RGS10: variants seen among roughly 807,000 people sequenced by gnomAD.
RGS10 encodes regulator of G protein signaling 10, also known as regulator of G-protein signalling 10.
RGS10 carries 11 observed loss-of-function variants against 23.5 expected under a neutral mutation model. The ratio of observed to expected loss-of-function variants is 0.47; its 90% CI spans 0.29 to 0.77. The LOEUF is 0.77. Among genes scored for constraint, RGS10 ranks in the 30% least tolerant of loss-of-function variants. The probability of loss-of-function intolerance (pLI) is 0.08; values close to 1 mark genes in which losing one functional copy is unlikely to be tolerated. For synonymous variants in RGS10, 77 were observed against 83.2 expected (o/e 0.92, Z 0.41); for missense variants, 180 against 226.3 (o/e 0.80, Z 1.31).
rs750013036 is a variant in RGS10, at chr10:119,515,564, T to C, written c.344A>G (p.Asn115Ser). ...QVNVEGQSRL[N>S]EKILEEPHPL... ...GTGCGGTTCTTCCAGGATCTTCTCG[T>C]TGAGCCGAGACTGCCCCTCCACGTT... The change falls in exon 4 of 5, where the codon AAC becomes AGC. Residue 115 changes from asparagine (N) to serine (S), a missense_variant. Asn to Ser is a conservative substitution (Grantham distance 46, BLOSUM62 1). Coordinates refer to ENST00000369103, the MANE Select transcript of RGS10 (RefSeq NM_001005339.2). 1.9e-6 allele frequency: 3 copies of C among 1,614,212 alleles called. No homozygotes were observed. Among genetic ancestry groups the C allele is most frequent in the Admixed American group, 1.7e-5 (1 of 60,028 alleles).
intron 1 of RGS10, among the ~76,000 whole-genome samples, chr10:119,536,688 T>C (rs892081238): frequency 4.6e-5 from 7 of 152,256 alleles, no homozygotes; most frequent in Admixed American, 2.6e-4. Flanking sequence ...GCCAAACTGT[T>C]ATTTGTAGCC....
At chr10:119,513,815 C>T (rs1385480634) in intron 4 of RGS10, among the ~76,000 whole-genome samples, 1 of 152,194 alleles carries the variant, frequency 6.6e-6, no homozygotes, top group Non-Finnish European at 1.5e-5. Context: ...AGAGGCTGCC[C>T]AGGAGCCTGG....
At chr10:119,515,367 T>G in intron 4 of RGS10, 142 bp downstream of exon 4, 1 of 943,154 alleles carries the variant, frequency 1.1e-6, no homozygotes, top group Non-Finnish European at 1.6e-6. Flanking sequence ...TCCCCAACCA[T>G]GGCCCCTCAG....
chr10:119,527,315 T>C lies in RGS10; in HGVS notation c.159A>G (p.Lys53=), dbSNP rs898844129. Residue 53 remains lysine, a synonymous_variant, in exon 2 of 5, where the codon AAA becomes AAG. Coordinates refer to ENST00000369103, the MANE Select transcript of RGS10 (RefSeq NM_001005339.2). The surrounding 1 kb of genome is among the most constrained non-coding windows in gnomAD (Gnocchi z 4.2). ...ENLLEDPEGV[K]RFREFLKKEF... is the part of the protein sequence containing the mutation. The stretch of plus-strand genomic sequence containing the variant: ...AATGAAAAAGACAAACCCTAAATCT[T>C]TTCACGCCTTCTGGGTCTTCCAGCA... 3.0e-5 allele frequency: 48 copies of C among 1,613,018 alleles called. No individual in the cohort carries two copies. The highest frequency in any genetic ancestry group is 3.9e-5 in the Non-Finnish European group (46 of 1,179,058).
chr10:119,513,510 G>GAA (rs143891887), intron 4 of RGS10, among the ~76,000 whole-genome samples: 10 of 147,426 alleles, frequency 6.8e-5, no homozygotes, highest in Middle Eastern at 3.5e-3. Context: ...CATTAAAAAA[G>GAA]AAAAAAAAAA....
intron 4 of RGS10, among the ~76,000 whole-genome samples, chr10:119,506,792 C>T (rs1483998378): frequency 6.6e-6 from 1 of 152,208 alleles, no homozygotes; most frequent in Non-Finnish European, 1.5e-5. Flanking sequence ...CCTCCAACTC[C>T]CTGATTCAAG....
At chr10:119,512,660 G>C (rs1347567242) in intron 4 of RGS10, among the ~76,000 whole-genome samples, 3 of 151,984 alleles carry the variant, frequency 2.0e-5, no homozygotes, top group Non-Finnish European at 4.4e-5. Flanking sequence ...CAGTTCTCCT[G>C]CCTCAGCCTC....
At chr10:119,504,318 T>G (rs1843985879) in intron 4 of RGS10, among the ~76,000 whole-genome samples, 1 of 152,154 alleles carries the variant, frequency 6.6e-6, no homozygotes, top group Non-Finnish European at 1.5e-5. Context: ...GCCTCCTGAG[T>G]AGCTGTGATT....
chr10:119,502,789 A>G (rs1843967102), intron 4 of RGS10, among the ~76,000 whole-genome samples: 1 of 152,178 alleles, frequency 6.6e-6, no homozygotes, highest in Non-Finnish European at 1.5e-5. Context: ...CCACGAGTGC[A>G]GAAGTCCCTC....
intron 1 of RGS10, among the ~76,000 whole-genome samples, chr10:119,540,695 A>G (rs1356536012): frequency 2.0e-5 from 3 of 152,190 alleles, no homozygotes; most frequent in African/African-American, 7.2e-5. Context: ...AAATCCATGT[A>G]TCTCCCAGGA....
rs1005028373 is a variant in RGS10, at chr10:119,527,531, C to T, written c.50-107G>A. The T allele has an allele frequency of 2.4e-5, 19 of 803,348 alleles. No individual in the cohort carries two copies. The highest frequency in any genetic ancestry group is 2.3e-4 in the African/African-American group (14 of 59,700). The allele number at this position is 803,348 out of a possible 1,614,324, so 49.8% of individuals were successfully genotyped here. Reference sequence around the variant, plus strand: ...CGTCACCATCACGGCTGACATACACCGACTTATGCGTCAGGCTCTGTTCTA... The same window carrying T: ...CGTCACCATCACGGCTGACATACACTGACTTATGCGTCAGGCTCTGTTCTA... On this transcript the variant is annotated intron_variant, in intron 1 of 4. Transcript: ENST00000369103. This position sits in a 1 kb window ranked among gnomAD's most constrained non-coding sequence, Gnocchi z 4.2.
intron 4 of RGS10, among the ~76,000 whole-genome samples, chr10:119,501,347 C>T (rs746896961): frequency 3.3e-5 from 5 of 152,178 alleles, no homozygotes; most frequent in African/African-American, 4.8e-5. Flanking sequence ...GACTGCCAGG[C>T]GGGGTTGTCA....
At chr10:119,536,379 C>A in intron 1 of RGS10, 2 of 1,268,764 alleles carry the variant, frequency 1.6e-6, no homozygotes, top group Non-Finnish European at 2.3e-6. Context: ...GTCCTCACAG[C>A]ACACTCTTCC....
chr10:119,520,815 A>G (rs1844204240), intron 3 of RGS10, among the ~76,000 whole-genome samples: 1 of 151,880 alleles, frequency 6.6e-6, no homozygotes, highest in Admixed American at 6.6e-5. Flanking sequence ...AAAGCAAAAA[A>G]AAAAAAAAAA....
At chr10:119,539,172 G>C (rs367591662) in intron 1 of RGS10, among the ~76,000 whole-genome samples, 7 of 152,282 alleles carry the variant, frequency 4.6e-5, no homozygotes, top group South Asian at 4.1e-4. Flanking sequence ...TGGCCCCTCT[G>C]TCCCCCCAGG....
chr10:119,538,162 G>A lies in RGS10; in HGVS notation c.49+4428C>T, dbSNP rs778084275. Among the ~76,000 whole-genome samples the A allele has an allele frequency of 6.6e-6, 1 of 152,098 alleles. No individual in the cohort carries two copies. Among genetic ancestry groups the A allele is most frequent in the Non-Finnish European group, 1.5e-5 (1 of 67,996 alleles). On this transcript the variant is annotated intron_variant, in intron 1 of 4. Coordinates refer to ENST00000369103, the MANE Select transcript of RGS10 (RefSeq NM_001005339.2). The surrounding 1 kb of genome is among the most constrained non-coding windows in gnomAD (Gnocchi z 4.5). Reference sequence around the variant, plus strand: ...GGAGGGAAGAAGGAAGGGAGGGAGGGAGTGGAGGAGAGAGGGATGGAGGAA... The same window carrying A: ...GGAGGGAAGAAGGAAGGGAGGGAGGAAGTGGAGGAGAGAGGGATGGAGGAA...
chr10:119,500,369 G>A, intron 4 of RGS10, 110 bp from the exon 5 acceptor site: 1 of 933,656 alleles, frequency 1.1e-6, no homozygotes, highest in Non-Finnish European at 1.5e-6. Flanking sequence ...ACTAACATGT[G>A]CAAAGAACAC....
chr10:119,530,525 T>C (rs1844321401), intron 1 of RGS10, among the ~76,000 whole-genome samples: 1 of 152,030 alleles, frequency 6.6e-6, no homozygotes, highest in African/African-American at 2.4e-5. Flanking sequence ...CCCATCTCTA[T>C]AAAATATTTA....
At chr10:119,518,506 G>C (rs146649955) in intron 3 of RGS10, among the ~76,000 whole-genome samples, 1 of 152,298 alleles carries the variant, frequency 6.6e-6, no homozygotes, top group East Asian at 1.9e-4. Context: ...ATCAGGAGAA[G>C]CAAATTCACT....
Sources: allele counts gnomAD v4.1 joint callset (sites outside exome capture counted in the v4.1 genomes callset), GRCh38; gene constraint gnomAD v4.1.1; non-coding constraint Gnocchi (gnomAD v3.1); transcripts MANE v1.5; gene names NCBI Gene and HGNC (gene_info 2026-07-23, HGNC 2026-07-21).